The following CYYR1 variants were observed in gnomAD, a reference collection of about 807,000 sequenced individuals.
CYYR1 encodes cysteine and tyrosine rich 1, also known as cysteine and tyrosine-rich protein 1.
In CYYR1, 14 loss-of-function variants were observed where a neutral mutation model predicts 15.2. That is an observed-to-expected ratio of 0.92 (90% CI 0.61 to 1.44). The LOEUF is 1.44. CYYR1 is among the 40% of genes most tolerant of loss of function. CYYR1 has a pLI of 0.00. For synonymous variants in CYYR1, 80 were observed against 77.4 expected (o/e 1.03, Z -0.18); for missense variants, 228 against 209.5 (o/e 1.09, Z -0.54).
intron 3 of CYYR1, chr21:26,477,637 T>C: frequency 1.5e-6 from 1 of 687,212 alleles, no homozygotes; most frequent in Non-Finnish European, 1.8e-6. Context: ...TAAAATAAAA[T>C]ATTGAACATT....
chr21:26,483,052 T>G (rs1190288785), intron 2 of CYYR1, among the ~76,000 whole-genome samples: 1 of 152,032 alleles, frequency 6.6e-6, no homozygotes, highest in Non-Finnish European at 1.5e-5. Context: ...TTGAACTTTC[T>G]GGATCGATTC....
At chr21:26,571,816 G>A (rs222978) in intron 1 of CYYR1, among the ~76,000 whole-genome samples, 122,397 of 152,176 alleles carry the variant, frequency 0.8, 51,150 homozygotes, top group Non-Finnish European at 0.92. Context: ...CATATTAGAA[G>A]GTCAGCATTT....
At chr21:26,544,705 A>C (rs1978827560) in intron 2 of CYYR1, among the ~76,000 whole-genome samples, 1 of 152,362 alleles carries the variant, frequency 6.6e-6, no homozygotes, top group African/African-American at 2.4e-5. Flanking sequence ...AACATTATTT[A>C]AATAAATTCT....
intron 3 of CYYR1, chr21:26,478,019 G>T: frequency 6.5e-7 from 1 of 1,543,798 alleles, no homozygotes; most frequent in Non-Finnish European, 8.7e-7. Flanking sequence ...CTTTTCATGA[G>T]TTGTGTTCAT....
chr21:26,488,302 C>T (rs949912747), intron 2 of CYYR1, among the ~76,000 whole-genome samples: 5 of 148,232 alleles, frequency 3.4e-5, no homozygotes, highest in South Asian at 2.1e-4. Flanking sequence ...GGTCTAACTG[C>T]GTCACCCAGG....
intron 2 of CYYR1, among the ~76,000 whole-genome samples, chr21:26,512,344 G>T (rs553823105): frequency 6.6e-6 from 1 of 151,974 alleles, no homozygotes; most frequent in African/African-American, 2.4e-5. Flanking sequence ...GATTACAGGC[G>T]CATGCCACCA....
At chr21:26,483,561 C>G (rs1288034472) in intron 2 of CYYR1, among the ~76,000 whole-genome samples, 1 of 152,064 alleles carries the variant, frequency 6.6e-6, no homozygotes, top group Non-Finnish European at 1.5e-5. Context: ...TGAAAGCATT[C>G]TCCAATTTCA....
At chr21:26,484,735 C>T (rs1486600804) in intron 2 of CYYR1, among the ~76,000 whole-genome samples, 1 of 151,902 alleles carries the variant, frequency 6.6e-6, no homozygotes, top group Non-Finnish European at 1.5e-5. Context: ...GTTAAGATAT[C>T]GAATTGGGAC....
At chr21:26,501,891 T>C (rs1333282330) in intron 2 of CYYR1, among the ~76,000 whole-genome samples, 3 of 152,192 alleles carry the variant, frequency 2.0e-5, no homozygotes, top group Non-Finnish European at 4.4e-5. Flanking sequence ...TGTCAAAGGA[T>C]AAGTATATCT....
chr21:26,505,251 G>T (rs2065539745), intron 2 of CYYR1, among the ~76,000 whole-genome samples: 1 of 152,104 alleles, frequency 6.6e-6, no homozygotes, highest in African/African-American at 2.4e-5. Context: ...ACCAAAGTAA[G>T]GTAAATTATT....
intron 2 of CYYR1, among the ~76,000 whole-genome samples, chr21:26,500,198 T>G (rs998374995): frequency 6.6e-6 from 1 of 152,184 alleles, no homozygotes; most frequent in African/African-American, 2.4e-5. Context: ...TAACCTCATC[T>G]AAACCTAATT....
intron 2 of CYYR1, among the ~76,000 whole-genome samples, chr21:26,540,659 G>A (rs1168216112): frequency 1.3e-5 from 2 of 152,068 alleles, no homozygotes; most frequent in Non-Finnish European, 2.9e-5. Context: ...ATGGATTTGA[G>A]TTCTTCTAGA....
At chr21:26,487,116 A>G (rs1186749305) in intron 2 of CYYR1, among the ~76,000 whole-genome samples, 3 of 152,152 alleles carry the variant, frequency 2.0e-5, no homozygotes, top group African/African-American at 7.2e-5. Context: ...AGTGGGGAAA[A>G]TTCTAGAATA....
chr21:26,489,545 T>C (rs1292893505), intron 2 of CYYR1, among the ~76,000 whole-genome samples: 1 of 151,948 alleles, frequency 6.6e-6, no homozygotes, highest in Non-Finnish European at 1.5e-5. Context: ...TAAGGTTTTA[T>C]ATACATGCAC....
intron 2 of CYYR1, among the ~76,000 whole-genome samples, chr21:26,485,172 C>T (rs903844817): frequency 1.3e-5 from 2 of 152,002 alleles, no homozygotes; most frequent in Non-Finnish European, 2.9e-5. Flanking sequence ...AAGGTTTGCA[C>T]ATTTTCCTCT....
At chr21:26,478,495 C>A (rs2065131141) in intron 3 of CYYR1, among the ~76,000 whole-genome samples, 1 of 152,092 alleles carries the variant, frequency 6.6e-6, no homozygotes, top group Non-Finnish European at 1.5e-5. Context: ...ATAAAAAGAA[C>A]AGCCAACTCA....
chr21:26,551,884 C>T (rs9981988), intron 2 of CYYR1: 91,047 of 188,554 alleles, frequency 0.48, 22,547 homozygotes, highest in East Asian at 0.66. Flanking sequence ...GTGGGTCAAA[C>T]GCTACCGAAG....
intron 3 of CYYR1, among the ~76,000 whole-genome samples, chr21:26,474,033 G>A (rs1734830425): frequency 7.1e-6 from 1 of 140,582 alleles, no homozygotes; most frequent in African/African-American, 2.6e-5. Context: ...TTGTTGTTGT[G>A]TGTTTTTTGT....
At chr21:26,555,164 C>T (rs1979679709) in intron 2 of CYYR1, among the ~76,000 whole-genome samples, 1 of 152,140 alleles carries the variant, frequency 6.6e-6, no homozygotes, top group African/African-American at 2.4e-5. Context: ...AATCACAAAG[C>T]ATTGTTTCCT....
Sources: gnomAD v4.1 joint callset for allele counts (sites outside exome capture counted in the v4.1 genomes callset) on GRCh38, gnomAD v4.1.1 for gene constraint, MANE v1.5 for transcripts, NCBI Gene and HGNC (gene_info 2026-07-23, HGNC 2026-07-21) for gene names.